The following KCNT2 variants were observed in gnomAD, a reference collection of about 807,000 sequenced individuals.
KCNT2 encodes potassium sodium-activated channel subfamily T member 2, also known as potassium channel subfamily T member 2.
A neutral mutation model predicts 153.8 loss-of-function variants in KCNT2; 67 were observed. That is an observed-to-expected ratio of 0.44 (90% CI 0.36 to 0.53). The LOEUF is 0.53. KCNT2 is among the 20% of genes least tolerant of loss of function. The pLI, the probability that KCNT2 is intolerant of heterozygous loss-of-function variation, is 0.00. For synonymous variants in KCNT2, 500 were observed against 458.8 expected (o/e 1.09, Z -1.15); for missense variants, 975 against 1,354.8 (o/e 0.72, Z 4.40).
At chr1:196,269,265 A>G (rs1213445871) in intron 25 of KCNT2, among the ~76,000 whole-genome samples, 2 of 152,222 alleles carry the variant, frequency 1.3e-5, no homozygotes, top group Non-Finnish European at 2.9e-5. Context: ...ATTGGATACA[A>G]TAATAAAAAC....
At chr1:196,299,160 C>T (rs1660948246) in intron 22 of KCNT2, among the ~76,000 whole-genome samples, 2 of 151,934 alleles carry the variant, frequency 1.3e-5, no homozygotes, top group African/African-American at 2.4e-5. Context: ...CAAAAATTTC[C>T]CTTTTTTTTC....
At chr1:196,366,987 C>T (rs1164894424) in intron 14 of KCNT2, among the ~76,000 whole-genome samples, 1 of 152,126 alleles carries the variant, frequency 6.6e-6, no homozygotes, top group African/African-American at 2.4e-5. Flanking sequence ...AATGAGTCAA[C>T]CATTTCTGTC....
At chr1:196,587,169 G>A (rs10737678) in intron 1 of KCNT2, among the ~76,000 whole-genome samples, 119,153 of 152,016 alleles carry the variant, frequency 0.78, 49,985 homozygotes, top group East Asian at 0.97. Flanking sequence ...CTAAAAAATC[G>A]AATAACAACA....
chr1:196,385,778 T>C (rs375639021), intron 13 of KCNT2, among the ~76,000 whole-genome samples: 1 of 129,098 alleles, frequency 7.7e-6, no homozygotes, highest in Admixed American at 8.1e-5. Flanking sequence ...AAAAAATATA[T>C]ATATATATAT....
At chr1:196,307,835 A>G (rs1391950686) in intron 21 of KCNT2, among the ~76,000 whole-genome samples, 3 of 152,170 alleles carry the variant, frequency 2.0e-5, no homozygotes, top group East Asian at 1.9e-4. Context: ...AAAAATGTCA[A>G]TTGACTTTTG....
chr1:196,453,219 T>A (rs958604983), intron 8 of KCNT2, among the ~76,000 whole-genome samples: 1 of 151,848 alleles, frequency 6.6e-6, no homozygotes, highest in Admixed American at 6.6e-5. Flanking sequence ...GAGACTGCAG[T>A]AGAACGATAT....
At chr1:196,293,859 C>CAAAAAA (rs571759690) in intron 22 of KCNT2, among the ~76,000 whole-genome samples, 1 of 115,222 alleles carries the variant, frequency 8.7e-6, no homozygotes, top group African/African-American at 2.8e-5. Context: ...TCTGCACAGT[C>CAAAAAA]AAAAAAAAAA....
At chr1:196,236,472 C>G (rs560523782) in intron 26 of KCNT2, among the ~76,000 whole-genome samples, 3 of 151,322 alleles carry the variant, frequency 2.0e-5, no homozygotes, top group Non-Finnish European at 3.0e-5. Flanking sequence ...ACAGGAAATT[C>G]TTGGGAAAAA....
At chr1:196,312,063 G>C (rs1451142112) in intron 21 of KCNT2, among the ~76,000 whole-genome samples, 1 of 151,796 alleles carries the variant, frequency 6.6e-6, no homozygotes, top group East Asian at 1.9e-4. Context: ...TTGAAATTGA[G>C]GACTTGCTTT....
chr1:196,571,040 C>T (rs1268337709), intron 1 of KCNT2, among the ~76,000 whole-genome samples: 1 of 152,042 alleles, frequency 6.6e-6, no homozygotes, highest in Non-Finnish European at 1.5e-5. Flanking sequence ...TCTTCCCCTC[C>T]CCACTAAGAA....
chr1:196,354,079 T>C (rs1350219729), intron 14 of KCNT2, among the ~76,000 whole-genome samples: 3 of 151,946 alleles, frequency 2.0e-5, no homozygotes. Flanking sequence ...GTGAAATTCA[T>C]ATTAATAGAT....
intron 17 of KCNT2, among the ~76,000 whole-genome samples, chr1:196,333,464 A>T (rs1383252744): frequency 6.6e-6 from 1 of 152,138 alleles, no homozygotes; most frequent in African/African-American, 2.4e-5. Context: ...TGAATAATTG[A>T]TTGAACTTCA....
intron 14 of KCNT2, among the ~76,000 whole-genome samples, chr1:196,348,185 T>C (rs1436001955): frequency 2.7e-5 from 4 of 150,666 alleles, no homozygotes; most frequent in Non-Finnish European, 4.4e-5. Context: ...ACTTTCTCTA[T>C]GATAAATGTG....
At chr1:196,582,771 C>A (rs1662219577) in intron 1 of KCNT2, among the ~76,000 whole-genome samples, 1 of 151,938 alleles carries the variant, frequency 6.6e-6, no homozygotes, top group African/African-American at 2.4e-5. Context: ...ACAGATGAAC[C>A]ATGTCACCTG....
chr1:196,301,526 GA>G (rs1465779011), intron 22 of KCNT2, among the ~76,000 whole-genome samples: 1 of 152,036 alleles, frequency 6.6e-6, no homozygotes, highest in Non-Finnish European at 1.5e-5. Flanking sequence ...GATACCAGTG[GA>G]AACCATATAT....
intron 14 of KCNT2, among the ~76,000 whole-genome samples, chr1:196,371,251 C>T (rs1054941114): frequency 3.7e-5 from 4 of 108,226 alleles, no homozygotes; most frequent in African/African-American, 2.1e-4. Context: ...AAAAAAAAAG[C>T]CTGGCATGGT....
chr1:196,595,718 G>T (rs903372235), intron 1 of KCNT2, among the ~76,000 whole-genome samples: 3 of 152,032 alleles, frequency 2.0e-5, no homozygotes, highest in Admixed American at 2.0e-4. Flanking sequence ...AGTTTTTGGG[G>T]CACAGGTGGT....
intron 5 of KCNT2, among the ~76,000 whole-genome samples, chr1:196,473,861 A>C (rs1372567918): frequency 6.6e-6 from 1 of 152,170 alleles, no homozygotes; most frequent in East Asian, 1.9e-4. Flanking sequence ...TATGTAAGAA[A>C]ACTAAGAAAT....
chr1:196,286,176 T>C (rs1245752376), intron 22 of KCNT2, among the ~76,000 whole-genome samples: 2 of 152,132 alleles, frequency 1.3e-5, no homozygotes, highest in African/African-American at 4.8e-5. Flanking sequence ...AGGCACCTGT[T>C]ATGGTCTGAA....
Sources: gnomAD v4.1 joint callset for allele counts (sites outside exome capture counted in the v4.1 genomes callset) on GRCh38, gnomAD v4.1.1 for gene constraint, MANE v1.5 for transcripts, NCBI Gene and HGNC (gene_info 2026-07-23, HGNC 2026-07-21) for gene names.